CCNE1: variants seen among roughly 807,000 people sequenced by gnomAD.
CCNE1 encodes the protein cyclin E1.
CCNE1 carries 8 observed loss-of-function variants against 54.1 expected under a neutral mutation model. The observed-to-expected ratio is 0.15, with a 90% CI of 0.09 to 0.27. The LOEUF (loss-of-function observed/expected upper bound fraction) is 0.27, where lower values mean the gene tolerates loss of function less well. Among genes scored for constraint, CCNE1 ranks in the 10% least tolerant of loss-of-function variants. The probability of loss-of-function intolerance (pLI) is 1.00; values close to 1 mark genes in which losing one functional copy is unlikely to be tolerated. For missense variants in CCNE1, 430 were observed against 514.9 expected, an observed-to-expected ratio of 0.84 and a Z score of 1.60; for synonymous variants, 179 against 185.2, an observed-to-expected ratio of 0.97 and a Z score of 0.27.
chr19:29,813,826 A>G (rs1315211807), intron 4 of CCNE1, among the ~76,000 whole-genome samples: 1 of 152,194 alleles, frequency 6.6e-6, no homozygotes, highest in African/African-American at 2.4e-5. Context: ...TGGAGACTGT[A>G]GTTATGGCTC....
chr19:29,814,505 G>A (rs1273715338), intron 4 of CCNE1, among the ~76,000 whole-genome samples: 3 of 152,186 alleles, frequency 2.0e-5, no homozygotes, highest in East Asian at 1.9e-4. Flanking sequence ...AGGCATTTTC[G>A]TGGTTATCCA....
chr19:29,813,592 A>AT (rs1973944196), intron 4 of CCNE1, among the ~76,000 whole-genome samples: 2 of 152,094 alleles, frequency 1.3e-5, no homozygotes, highest in Non-Finnish European at 2.9e-5. Context: ...CCCTCCAGCA[A>AT]TTACCTGCAT....
At chr19:29,820,175 C>T (rs749295247) in intron 6 of CCNE1, among the ~76,000 whole-genome samples, 1 of 152,156 alleles carries the variant, frequency 6.6e-6, no homozygotes, top group African/African-American at 2.4e-5. Context: ...GCCTACTCCA[C>T]GGGGATGTGC....
At position 29,822,138 on chromosome 19, in the gene CCNE1, G is replaced by C; in HGVS notation, c.840+8G>C. The C allele has an allele frequency of 6.2e-7, 1 of 1,612,446 alleles. No individual in the cohort carries two copies. Among genetic ancestry groups the C allele is most frequent in the Non-Finnish European group, 8.5e-7 (1 of 1,179,222 alleles). On this transcript the variant is annotated splice_region_variant and intron_variant, in intron 9 of 11. Transcript: ENST00000262643. ...TTTATACAGATTGCAGAGGTAAGTG[G>C]CTCCATCACGTCCGTGGGGCCACCT...
rs1413466111 is a variant in CCNE1, at chr19:29,812,831, C to T, written c.111+55C>T. The T allele has an allele frequency of 5.0e-6, 8 of 1,585,922 alleles. No homozygotes were observed. The African/African-American group carries it at 1.1e-4, about 21-fold the overall frequency. On this transcript the variant is annotated intron_variant, in intron 3 of 11. Transcript: ENST00000262643. ...ATCCCCCCCATCTCACCTGGGTACC[C>T]GACTTGGCTCTGCCTACGGGGGCGG...
Position 29,813,025 on chromosome 19 carries a change from G to A in CCNE1, c.168G>A (p.Gln56=), listed in dbSNP as rs777539863. The change falls in exon 4 of 12, where the codon CAG becomes CAA. Residue 56 remains glutamine, a synonymous_variant. Transcript: ENST00000262643. ...MAKIDRTARD[Q]CGSQPWDNNA... ...AAATCGACAGGACGGCGAGGGACCA[G>A]TGTGGGAGCCAGGTAGGTCCGCCCG... 1 of 1,614,212 alleles carries A rather than the reference G, an allele frequency of 6.2e-7. No homozygotes were observed. The highest frequency in any genetic ancestry group is 1.1e-5 in the South Asian group (1 of 91,090).
At position 29,813,048 on chromosome 19, in the gene CCNE1, C is replaced by T. The variant is rs1389624021; in HGVS notation, c.180+11C>T. 1.2e-6 allele frequency: 2 copies of T among 1,613,766 alleles called. No homozygotes were observed. The highest frequency in any genetic ancestry group is 2.2e-5 in the East Asian group (1 of 44,888). ...CAGTGTGGGAGCCAGGTAGGTCCGC[C>T]CGGGGTTGGGCCTCTGTGGAGGTCC... On this transcript the variant is annotated intron_variant, in intron 4 of 11. Transcript: ENST00000262643.
In CCNE1 at chr19:29,815,865, A is replaced by C. The variant is rs143484623; in HGVS notation, c.181-1272A>C. Among the ~76,000 whole-genome samples, 46 of 151,952 alleles carry C rather than the reference A, an allele frequency of 3.0e-4. 2 individuals are homozygous for C. Among genetic ancestry groups the C allele is most frequent in the African/African-American group, 1.1e-3 (45 of 41,446 alleles). On this transcript the variant is annotated intron_variant, in intron 4 of 11. Transcript: ENST00000262643. Reference sequence around the variant, plus strand: ...GCTGGTGGTCTCTGCTTTAAAAAAAAAAAAAAATGCCAGGTGCGGTGGCTC... The same window carrying C: ...GCTGGTGGTCTCTGCTTTAAAAAAACAAAAAAATGCCAGGTGCGGTGGCTC...
Position 29,812,708 on chromosome 19 carries a change from A to G in CCNE1, c.43A>G (p.Thr15Ala), listed in dbSNP as rs1973921368. 1 of 1,592,342 alleles carries G rather than the reference A, an allele frequency of 6.3e-7. No homozygotes were observed. Among genetic ancestry groups the G allele is most frequent in the Non-Finnish European group, 8.5e-7 (1 of 1,171,584 alleles). The change falls in exon 3 of 12, where the codon ACC becomes GCC. Residue 15 changes from threonine (T) to alanine (A), a missense_variant. Physicochemically the swap from Thr to Ala is moderately conservative, Grantham distance 58 (BLOSUM62 0). Coordinates refer to ENST00000262643, the MANE Select transcript of CCNE1 (RefSeq NM_001238.4). ...RRERDAKERDTMKEDGGAEFS... is the reference protein window; with the variant it reads ...RRERDAKERDAMKEDGGAEFS... ...CCACAGGGATGCGAAGGAGCGGGACACCATGAAGGAGGACGGCGGCGCGGA... is the reference window on the plus strand; with the variant it reads ...CCACAGGGATGCGAAGGAGCGGGACGCCATGAAGGAGGACGGCGGCGCGGA...
chr19:29,817,321 A>C, intron 5 of CCNE1, 39 bp downstream of exon 5: 1 of 1,613,368 alleles, frequency 6.2e-7, no homozygotes, highest in Non-Finnish European at 8.5e-7. Context: ...CAGGTCTCTT[A>C]CTCCATGCTC....
Position 29,823,796 on chromosome 19 carries a change from C to A in CCNE1, c.*19C>A, listed in dbSNP as rs1307699658. The A allele has an allele frequency of 6.3e-7, 1 of 1,597,896 alleles. No individual in the cohort carries two copies. Among genetic ancestry groups the A allele is most frequent in the Non-Finnish European group, 8.5e-7 (1 of 1,171,504 alleles). ...GGCGTGACCACCCCATCCTTCTCCA[C>A]CAAAGACAGTTGCGCGCCTGCTCCA... On this transcript the variant is annotated 3_prime_UTR_variant, in exon 12 of 12. Transcript: ENST00000262643.
At chr19:29,815,496 C>T (rs749076835) in intron 4 of CCNE1, among the ~76,000 whole-genome samples, 54 of 152,136 alleles carry the variant, frequency 3.5e-4, no homozygotes, top group Non-Finnish European at 3.8e-4. Context: ...CTGAAGGCGG[C>T]CAATGTGTTG....
chr19:29,824,042 T>C lies in CCNE1; in HGVS notation c.*265T>C, dbSNP rs1974221031. The C allele has an allele frequency of 5.5e-6, 2 of 360,532 alleles. No individual in the cohort carries two copies. The highest frequency in any genetic ancestry group is 1.0e-5 in the Non-Finnish European group (2 of 200,040). The allele number at this position is 360,532 out of a possible 1,614,324, so 22.3% of individuals were successfully genotyped here. A position where few individuals can be genotyped will look rare whatever the true frequency, so the allele number is the denominator to read the frequency against. ...CTCCCGATGCTGCTATGGAAGGTGC[T>C]ACTTGACCTAAGGGACTCCCACAAC... On this transcript the variant is annotated 3_prime_UTR_variant, in exon 12 of 12. Transcript: ENST00000262643.
intron 4 of CCNE1, among the ~76,000 whole-genome samples, chr19:29,815,903 C>T (rs1974004839): frequency 6.6e-6 from 1 of 151,466 alleles, no homozygotes; most frequent in Non-Finnish European, 1.5e-5. Flanking sequence ...GCTTGTAATC[C>T]CAGCACTTTT....
In CCNE1 at chr19:29,817,147, A is replaced by G. The variant is rs778224499; in HGVS notation, c.191A>G (p.Asn64Ser). The change falls in exon 5 of 12, where the codon AAT becomes AGT. Residue 64 changes from asparagine to serine, a missense_variant. Asn to Ser is a conservative substitution (Grantham distance 46). Around this residue, in one of 2 missense-constraint regions of CCNE1, gnomAD observed 127 missense variants for 113.8 expected, o/e 1.12. Coordinates refer to ENST00000262643, the MANE Select transcript of CCNE1 (RefSeq NM_001238.4). ...ATTTTTCATTTACAGCCTTGGGACA[A>G]TAATGCAGTCTGTGCAGACCCCTGC... ...RDQCGSQPWD[N>S]NAVCADPCSL... The G allele has an allele frequency of 3.1e-6, 5 of 1,613,944 alleles. No individual in the cohort carries two copies. The highest frequency in any genetic ancestry group is 4.2e-6 in the Non-Finnish European group (5 of 1,180,028).
intron 3 of CCNE1, 25 bp from the exon 4 acceptor site, chr19:29,812,944 G>C: frequency 1.2e-6 from 2 of 1,613,734 alleles, no homozygotes; most frequent in Non-Finnish European, 1.7e-6. Context: ...GTTTCCTTGG[G>C]GTCATGGGGG....
At chr19:29,818,184 G>A (rs934662247) in intron 6 of CCNE1, among the ~76,000 whole-genome samples, 10 of 152,166 alleles carry the variant, frequency 6.6e-5, no homozygotes, top group South Asian at 2.1e-4. Context: ...CCGCCACCAC[G>A]TCTGGCTAAT....
chr19:29,823,740 G>A lies in CCNE1; in HGVS notation c.1196G>A (p.Ser399Asn). 1 of 1,614,110 alleles carries A rather than the reference G, an allele frequency of 6.2e-7. No homozygotes were observed. Among genetic ancestry groups the A allele is most frequent in the Non-Finnish European group, 8.5e-7 (1 of 1,180,020 alleles). ...AGTGGGCTCCTCACCCCGCCACAGA[G>A]CGGTAAGAAGCAGAGCAGCGGGCCG... is the stretch of plus-strand genomic sequence containing the variant. Reference protein sequence around the residue: ...LPSGLLTPPQSGKKQSSGPEM... With the variant: ...LPSGLLTPPQNGKKQSSGPEM... The change falls in exon 12 of 12, where the codon AGC becomes AAC. Residue 399 changes from serine to asparagine, a missense_variant. Physicochemically the swap from Ser to Asn is conservative, Grantham distance 46 (BLOSUM62 1). Around this residue, in one of 2 missense-constraint regions of CCNE1, gnomAD observed 303 missense variants for 401.1 expected, o/e 0.76. Coordinates refer to ENST00000262643, the MANE Select transcript of CCNE1 (RefSeq NM_001238.4).
chr19:29,818,098 C>G lies in CCNE1; in HGVS notation c.462+557C>G, dbSNP rs1025468482. ...CTAGAGTGCAGTGGTGCGATCTCAG[C>G]TTACTGCAAGCTCCTCCTCCCGGGT... On this transcript the variant is annotated intron_variant, in intron 6 of 11. Transcript: ENST00000262643. 4.0e-5 allele frequency among the ~76,000 whole-genome samples: 6 copies of G among 149,402 alleles called. No homozygotes were observed. In the Admixed American group the frequency reaches 4.1e-4, roughly 10 times the overall value.
Sources: gnomAD v4.1 joint callset for allele counts (sites outside exome capture counted in the v4.1 genomes callset) on GRCh38, gnomAD v4.1.1 for gene constraint, gnomAD v4.1.1 regional missense constraint, MANE v1.5 for transcripts, NCBI Gene and HGNC (gene_info 2026-07-23, HGNC 2026-07-21) for gene names.